The following TPP2 variants were observed in gnomAD, a reference collection of about 807,000 sequenced individuals.
The protein encoded by TPP2 is tripeptidyl-peptidase 2.
TPP2 carries 34 observed loss-of-function variants against 155.9 expected under a neutral mutation model. The ratio of observed to expected loss-of-function variants is 0.22; its 90% CI spans 0.17 to 0.29. The LOEUF is 0.29. Among genes scored for constraint, TPP2 ranks in the 10% least tolerant of loss-of-function variants. The pLI, the probability that TPP2 is intolerant of heterozygous loss-of-function variation, is 1.00. For synonymous variants in TPP2, 510 were observed against 529.4 expected, an observed-to-expected ratio of 0.96 and a Z score of 0.50; for missense variants, 1,028 against 1,522.3, an observed-to-expected ratio of 0.68 and a Z score of 5.40.
intron 1 of TPP2, among the ~76,000 whole-genome samples, chr13:102,600,487 T>C (rs1295939787): frequency 1.3e-5 from 2 of 152,136 alleles, no homozygotes; most frequent in African/African-American, 2.4e-5. Flanking sequence ...CTAAGAGTTA[T>C]TTAGGCTTTT....
At chr13:102,621,201 A>G (rs1242878120) in intron 5 of TPP2, among the ~76,000 whole-genome samples, 1 of 152,216 alleles carries the variant, frequency 6.6e-6, no homozygotes, top group Non-Finnish European at 1.5e-5. Flanking sequence ...GATGGTGGTT[A>G]TAAGAAACTG....
chr13:102,621,189 A>G (rs985998828), intron 5 of TPP2, among the ~76,000 whole-genome samples: 4 of 152,206 alleles, frequency 2.6e-5, no homozygotes, highest in Admixed American at 2.6e-4. Context: ...AGTCATTCCA[A>G]TGATGGTGGT....
At chr13:102,652,808 T>A (rs1350221317) in intron 24 of TPP2, among the ~76,000 whole-genome samples, 1 of 152,142 alleles carries the variant, frequency 6.6e-6, no homozygotes, top group African/African-American at 2.4e-5. Context: ...CAGCATTTTT[T>A]TAAAATAGGA....
At chr13:102,661,697 A>G (rs1884241021) in intron 25 of TPP2, among the ~76,000 whole-genome samples, 1 of 152,230 alleles carries the variant, frequency 6.6e-6, no homozygotes, top group Non-Finnish European at 1.5e-5. Flanking sequence ...GTTAGTCTTC[A>G]GGGAAATGCA....
At chr13:102,602,774 A>G (rs755327160) in intron 1 of TPP2, among the ~76,000 whole-genome samples, 4 of 152,198 alleles carry the variant, frequency 2.6e-5, no homozygotes, top group Non-Finnish European at 4.4e-5. Context: ...AGTGGACATT[A>G]AGCTTTGTCG....
chr13:102,605,497 T>C (rs1766878304), intron 2 of TPP2, among the ~76,000 whole-genome samples: 1 of 152,206 alleles, frequency 6.6e-6, no homozygotes, highest in African/African-American at 2.4e-5. Flanking sequence ...CATTATTTTG[T>C]TGTTTGATGA....
intron 27 of TPP2, among the ~76,000 whole-genome samples, chr13:102,673,191 G>T (rs1885085397): frequency 6.6e-6 from 1 of 152,158 alleles, no homozygotes; most frequent in Non-Finnish European, 1.5e-5. Flanking sequence ...GGACTCCTTG[G>T]TGCGCAGGAT....
chr13:102,637,951 T>A (rs1053567963), intron 14 of TPP2, among the ~76,000 whole-genome samples: 1 of 152,228 alleles, frequency 6.6e-6, no homozygotes, highest in African/African-American at 2.4e-5. Flanking sequence ...ACATCTAAAG[T>A]TGTCTGTAGT....
chr13:102,663,388 C>T (rs1489679496), intron 25 of TPP2, among the ~76,000 whole-genome samples: 5 of 152,120 alleles, frequency 3.3e-5, no homozygotes, highest in South Asian at 2.1e-4. Context: ...CCTTGTGATC[C>T]GCCTGCCTTG....
chr13:102,634,736 C>T (rs1193542424), intron 11 of TPP2, among the ~76,000 whole-genome samples: 1 of 152,184 alleles, frequency 6.6e-6, no homozygotes, highest in East Asian at 1.9e-4. Context: ...TGATGATGTA[C>T]CACTTCAAGT....
At position 102,634,124 on chromosome 13, in the gene TPP2, C is replaced by T. The variant is rs58545410; in HGVS notation, c.1393+26C>T. On this transcript the variant is annotated intron_variant, in intron 11 of 29. Transcript: ENST00000376052. ...GTAAGCGTGTTCTTTATTGTCCTTACATTATTGCAGACCAATATTTTTGTT... is the reference window on the plus strand; with the variant it reads ...GTAAGCGTGTTCTTTATTGTCCTTATATTATTGCAGACCAATATTTTTGTT... 0.11 allele frequency: 179,692 copies of T among 1,611,834 alleles called. 11,659 individuals carry two copies. The highest frequency in any genetic ancestry group is 0.26 in the African/African-American group (19,355 of 74,902).
intron 23 of TPP2, 85 bp downstream of exon 23, chr13:102,649,571 A>C: frequency 1.6e-6 from 2 of 1,239,482 alleles, no homozygotes; most frequent in East Asian, 5.1e-5. Flanking sequence ...ACATTTCAGA[A>C]TGGATAAAAG....
At chr13:102,628,359 G>A (rs894546038) in intron 8 of TPP2, among the ~76,000 whole-genome samples, 1 of 152,156 alleles carries the variant, frequency 6.6e-6, no homozygotes, top group Non-Finnish European at 1.5e-5. Context: ...AGTTCCACAA[G>A]CACTCTGAAG....
Position 102,637,225 on chromosome 13 carries a change from T to C in TPP2, c.1822T>C (p.Leu608=). The C allele has an allele frequency of 6.2e-7, 1 of 1,604,014 alleles. No homozygotes were observed. Among genetic ancestry groups the C allele is most frequent in the Non-Finnish European group, 8.5e-7 (1 of 1,178,546 alleles). ...RVDPRGLREG[L]HYTEVCGYDI... ...GGATCCCAGGGGCTTAAGAGAAGGATTGCATTATACAGAGGTATTGATGTA... is the reference window on the plus strand; with the variant it reads ...GGATCCCAGGGGCTTAAGAGAAGGACTGCATTATACAGAGGTATTGATGTA... The change falls in exon 14 of 30, where the codon TTG becomes CTG. Residue 608 remains leucine (L), a synonymous_variant. Transcript: ENST00000376052.
intron 25 of TPP2, among the ~76,000 whole-genome samples, chr13:102,661,032 C>T (rs374709771): frequency 1.3e-5 from 2 of 151,872 alleles, no homozygotes; most frequent in African/African-American, 2.4e-5. Context: ...CTCAATGAGA[C>T]GTAGTGGTAA....
At position 102,675,089 on chromosome 13, in the gene TPP2, A is replaced by G. The variant is rs189511374; in HGVS notation, c.3579+599A>G. Among the ~76,000 whole-genome samples, 103 of 152,194 alleles carry G rather than the reference A, an allele frequency of 6.8e-4. 1 individual carries two copies. In the East Asian group the frequency reaches 0.018, roughly 27 times the overall value. ...AGTTATTAATCTTCTTTTCCTGTGGAAATAAAATAAAGTAAATGGAGTCAG... is the reference window on the plus strand; with the variant it reads ...AGTTATTAATCTTCTTTTCCTGTGGGAATAAAATAAAGTAAATGGAGTCAG... On this transcript the variant is annotated intron_variant, in intron 28 of 29. Coordinates refer to ENST00000376052, the MANE Select transcript of TPP2 (RefSeq NM_001330588.2).
chr13:102,657,518 CTTA>C (rs932627424), intron 25 of TPP2, among the ~76,000 whole-genome samples: 5 of 151,912 alleles, frequency 3.3e-5, no homozygotes, highest in African/African-American at 9.7e-5. Flanking sequence ...TCATTGTCCT[CTTA>C]TTATTATTTT....
At chr13:102,670,481 A>G (rs372091235) in intron 27 of TPP2, among the ~76,000 whole-genome samples, 6 of 152,356 alleles carry the variant, frequency 3.9e-5, no homozygotes, top group African/African-American at 1.4e-4. Flanking sequence ...AACTCATTTT[A>G]GGAAGCATAG....
chr13:102,667,263 C>T (rs1884670944), intron 27 of TPP2, among the ~76,000 whole-genome samples: 1 of 152,146 alleles, frequency 6.6e-6, no homozygotes, highest in Admixed American at 6.5e-5. Context: ...TTAAACTGCA[C>T]TTATTTAGGC....
Sources: allele counts gnomAD v4.1 joint callset (sites outside exome capture counted in the v4.1 genomes callset), GRCh38; gene constraint gnomAD v4.1.1; transcripts MANE v1.5; gene names NCBI Gene and HGNC (gene_info 2026-07-23, HGNC 2026-07-21).